Variants in TALDO1 observed in about 807,000 individuals in gnomAD.
TALDO1 encodes the protein transaldolase 1.
A neutral mutation model predicts 38.1 loss-of-function variants in TALDO1; 29 were observed. That is an observed-to-expected ratio of 0.76 (90% CI 0.57 to 1.04). The LOEUF is 1.04. Among genes scored for constraint, TALDO1 ranks in the 50% least tolerant of loss-of-function variants. TALDO1 has a pLI of 0.00. For missense variants in TALDO1, 499 were observed against 438.1 expected (o/e 1.14, Z -1.24); for synonymous variants, 207 against 176.8 (o/e 1.17, Z -1.36).
Position 747,576 on chromosome 11 carries a change from A to G in TALDO1, c.95A>G (p.His32Arg). 1 of 1,573,206 alleles carries G rather than the reference A, an allele frequency of 6.4e-7. No homozygotes were observed. The highest frequency in any genetic ancestry group is 8.6e-7 in the Non-Finnish European group (1 of 1,162,640). ...GTGGTGGCCGACACGGGCGACTTCC[A>G]CGGTGAGGACGGCGCGGAGCCCGGG... Reference protein sequence around the residue: ...TTVVADTGDFHAIDEYKPQDA... With the variant: ...TTVVADTGDFRAIDEYKPQDA... Residue 32 changes from histidine (H) to arginine (R), a missense_variant and splice_region_variant, in exon 1 of 8, where the codon CAC (histidine) becomes CGC (arginine). Coordinates refer to ENST00000319006, the MANE Select transcript of TALDO1 (RefSeq NM_006755.2).
intron 7 of TALDO1, among the ~76,000 whole-genome samples, 173 bp downstream of exon 7, chr11:764,606 A>C (rs1024762465): frequency 6.8e-6 from 1 of 146,942 alleles, no homozygotes; most frequent in Non-Finnish European, 1.5e-5. Flanking sequence ...GGTGCATGGC[A>C]CCCAGGGGTG....
chr11:747,975 G>GGGCACGAAGCC (rs1862689708), intron 1 of TALDO1, among the ~76,000 whole-genome samples: 1 of 152,240 alleles, frequency 6.6e-6, no homozygotes, highest in Non-Finnish European at 1.5e-5. Context: ...CTCCGCCCAG[G>GGGCACGAAGCC]GTGGGGTCGG....
intron 1 of TALDO1, 57 bp downstream of exon 1, chr11:747,635 C>T (rs1339778986): frequency 4.9e-6 from 7 of 1,419,906 alleles, no homozygotes; most frequent in African/African-American, 1.5e-5. Flanking sequence ...GCCCCGGCGC[C>T]CCGATTTCCC....
chr11:763,909 A>G lies in TALDO1; in HGVS notation c.800A>G (p.Asn267Ser). The G allele has an allele frequency of 1.2e-6, 2 of 1,612,270 alleles. No homozygotes were observed. The highest frequency in any genetic ancestry group is 1.7e-6 in the Non-Finnish European group (2 of 1,179,942). Residue 267 changes from asparagine to serine, a missense_variant, in exon 6 of 8, where the codon AAC (asparagine) becomes AGC (serine). Transcript: ENST00000319006. ...PKLLGELLQDNAKLVPVLSAK... is the reference protein window; with the variant it reads ...PKLLGELLQDSAKLVPVLSAK... ...CTCCTGGGAGAGCTGCTGCAGGACA[A>G]CGCCAAGCTGGTGCCTGTGCTCTCA...
intron 1 of TALDO1, among the ~76,000 whole-genome samples, chr11:752,101 C>T (rs915015167): frequency 9.2e-5 from 14 of 151,866 alleles, no homozygotes; most frequent in African/African-American, 1.9e-4. Flanking sequence ...GGCGGAGTCT[C>T]GCTCTGTCGC....
At chr11:755,014 C>T (rs893371478) in intron 1 of TALDO1, among the ~76,000 whole-genome samples, 2 of 152,030 alleles carry the variant, frequency 1.3e-5, no homozygotes, top group Non-Finnish European at 2.9e-5. Context: ...AAAGTTGCAG[C>T]AGTGCGGTTC....
At chr11:752,876 G>A (rs939701068) in intron 1 of TALDO1, among the ~76,000 whole-genome samples, 3 of 152,220 alleles carry the variant, frequency 2.0e-5, no homozygotes, top group Admixed American at 1.3e-4. Flanking sequence ...GACTTGTGAC[G>A]GGTGGGAATG....
chr11:750,443 G>A (rs1726327652), intron 1 of TALDO1, among the ~76,000 whole-genome samples: 1 of 151,760 alleles, frequency 6.6e-6, no homozygotes, highest in Admixed American at 6.6e-5. Flanking sequence ...AGCTGTGACT[G>A]CGCCACTGCA....
intron 4 of TALDO1, 113 bp from the exon 5 acceptor site, chr11:763,227 CCTCA>C (rs1862975454): frequency 7.3e-6 from 1 of 137,540 alleles, no homozygotes; most frequent in African/African-American, 3.0e-5. Context: ...CTGCCCCCGC[CCTCA>C]CCCGCCCCCG....
At chr11:755,102 A>C (rs889402897) in intron 1 of TALDO1, among the ~76,000 whole-genome samples, 1 of 149,138 alleles carries the variant, frequency 6.7e-6, no homozygotes, top group Non-Finnish European at 1.5e-5. Context: ...TTTTGGAGCA[A>C]TGCTGTGTGT....
intron 6 of TALDO1, 166 bp downstream of exon 6, chr11:764,110 C>G: frequency 1.5e-6 from 2 of 1,362,844 alleles, no homozygotes; most frequent in South Asian, 2.5e-5. Context: ...ACACATCTCA[C>G]TCAAGTCATC....
At chr11:762,447 A>G (rs1252614814) in intron 4 of TALDO1, among the ~76,000 whole-genome samples, 2 of 152,074 alleles carry the variant, frequency 1.3e-5, no homozygotes, top group Non-Finnish European at 1.5e-5. Flanking sequence ...TGCTATGAAC[A>G]CATCTGCTGC....
rs1255071953 is a variant in TALDO1 at position 763,857 on chromosome 11, T to C, written c.748T>C (p.Cys250Arg). The change falls in exon 6 of 8, where the codon TGT (cysteine) becomes CGT (arginine). Residue 250 changes from cysteine (C) to arginine (R), a missense_variant. Cys to Arg is a radical substitution (Grantham distance 180). Coordinates refer to ENST00000319006, the MANE Select transcript of TALDO1 (RefSeq NM_006755.2). ...NTGEIKALAG[C>R]DFLTISPKLL... ...GGGCGAGATCAAAGCACTGGCCGGC[T>C]GTGACTTCCTCACCATCTCACCCAA... The C allele has an allele frequency of 1.9e-6, 3 of 1,613,838 alleles. No homozygotes were observed. Among genetic ancestry groups the C allele is most frequent in the Admixed American group, 3.3e-5 (2 of 60,008 alleles).
At chr11:755,633 C>G in intron 1 of TALDO1, 1 of 541,388 alleles carries the variant, frequency 1.8e-6, no homozygotes, top group Non-Finnish European at 3.4e-6. Context: ...TGTTACAGGT[C>G]ACCTCTTGCA....
chr11:763,283 C>CCCCCGCCCTCACCGT, intron 4 of TALDO1, 61 bp from the exon 5 acceptor site: 3 of 297,782 alleles, frequency 1.0e-5, no homozygotes, highest in Admixed American at 4.1e-5. Context: ...CCCTCACCCG[C>CCCCCGCCCTCACCGT]CCCCGCCCTC....
intron 1 of TALDO1, among the ~76,000 whole-genome samples, chr11:754,073 C>T (rs781430586): frequency 3.5e-4 from 53 of 152,076 alleles, no homozygotes; most frequent in African/African-American, 1.2e-3. Context: ...CAACCTCCAC[C>T]TCCCGGGTCC....
chr11:752,292 G>C (rs1420554292), intron 1 of TALDO1: 1 of 150,888 alleles, frequency 6.6e-6, no homozygotes, highest in Non-Finnish European at 1.5e-5. Context: ...GTGTTAGCCA[G>C]GATGGTCTGG....
chr11:753,681 G>A (rs943959052), intron 1 of TALDO1, among the ~76,000 whole-genome samples: 14 of 151,764 alleles, frequency 9.2e-5, no homozygotes, highest in Non-Finnish European at 1.9e-4. Context: ...CTGAGCTTGC[G>A]CCACTGCACT....
At chr11:751,477 CT>C (rs2133569235) in intron 1 of TALDO1, among the ~76,000 whole-genome samples, 1 of 152,194 alleles carries the variant, frequency 6.6e-6, no homozygotes, top group South Asian at 2.1e-4. Flanking sequence ...CGGGACCAGC[CT>C]GGGCAACACA....
Sources: gnomAD v4.1 joint callset for allele counts (sites outside exome capture counted in the v4.1 genomes callset) on GRCh38, gnomAD v4.1.1 for gene constraint, MANE v1.5 for transcripts, NCBI Gene and HGNC (gene_info 2026-07-23, HGNC 2026-07-21) for gene names.